STOX1: variants seen among roughly 807,000 people sequenced by gnomAD.
STOX1 encodes storkhead-box protein 1.
STOX1 carries 57 observed loss-of-function variants against 74.8 expected under a neutral mutation model. That is an observed-to-expected ratio of 0.76 (90% confidence interval 0.62 to 0.95). STOX1 has a LOEUF of 0.95. Ranked by LOEUF, STOX1 falls within the 40% of genes least tolerant of loss-of-function variation. The pLI is 0.00. For missense variants in STOX1, 1,010 were observed against 1,117.0 expected, an observed-to-expected ratio of 0.90 and a Z score of 1.37; for synonymous variants, 375 against 401.3, an observed-to-expected ratio of 0.93 and a Z score of 0.78.
chr10:68,887,743 A>C (rs1200050770), intron 3 of STOX1, among the ~76,000 whole-genome samples: 1 of 149,666 alleles, frequency 6.7e-6, no homozygotes, highest in East Asian at 2.0e-4. Flanking sequence ...ACAGCCATGC[A>C]CCACAACACC....
At chr10:68,883,001 C>G (rs1214860511) in intron 2 of STOX1, among the ~76,000 whole-genome samples, 1 of 152,042 alleles carries the variant, frequency 6.6e-6, no homozygotes, top group Non-Finnish European at 1.5e-5. Context: ...TTGAAGCAAT[C>G]CACCTGCCTC....
chr10:68,872,622 C>T lies in STOX1; in HGVS notation c.311-9336C>T, dbSNP rs148380861. 5.6e-4 allele frequency among the ~76,000 whole-genome samples: 85 copies of T among 152,320 alleles called. 2 individuals are homozygous for T. The highest frequency in any genetic ancestry group is 2.0e-3 in the African/African-American group (82 of 41,576). On this transcript the variant is annotated intron_variant, in intron 1 of 3. Transcript: ENST00000298596. ...TTGGCCTCCCAAAGTGTTGGGATTA[C>T]AGGCGTGAGCCACTGCACCAGGTCT...
chr10:68,837,336 A>G (rs1589215373), intron 1 of STOX1, among the ~76,000 whole-genome samples: 1 of 152,192 alleles, frequency 6.6e-6, no homozygotes, highest in Non-Finnish European at 1.5e-5. Context: ...TCCCGGTTGT[A>G]TGACCCACAT....
chr10:68,835,294 G>A (rs903164222), intron 1 of STOX1, among the ~76,000 whole-genome samples: 4 of 151,910 alleles, frequency 2.6e-5, no homozygotes, highest in African/African-American at 7.3e-5. Context: ...TGCCCGCCTC[G>A]GCCTCCCAAA....
At position 68,844,840 on chromosome 10, in the gene STOX1, G is replaced by A. The variant is rs532598106; in HGVS notation, c.310+16907G>A. Among the ~76,000 whole-genome samples the A allele has an allele frequency of 3.4e-4, 51 of 151,934 alleles. No individual in the cohort carries two copies. The East Asian group carries it at 8.0e-3, about 24-fold the overall frequency. On this transcript the variant is annotated intron_variant, in intron 1 of 3. Transcript: ENST00000298596. ...TGCAGTGGTGCGATCTCACCTCATTGTAACCTCCACCTCCCACTTTCAATT... is the reference window on the plus strand; with the variant it reads ...TGCAGTGGTGCGATCTCACCTCATTATAACCTCCACCTCCCACTTTCAATT...
At chr10:68,879,764 T>C (rs1840765114) in intron 1 of STOX1, among the ~76,000 whole-genome samples, 1 of 152,152 alleles carries the variant, frequency 6.6e-6, no homozygotes, top group Admixed American at 6.5e-5. Context: ...TGGAAGTGTC[T>C]GGAGACATTT....
At chr10:68,841,952 G>T (rs1266152363) in intron 1 of STOX1, among the ~76,000 whole-genome samples, 1 of 152,312 alleles carries the variant, frequency 6.6e-6, no homozygotes, top group East Asian at 1.9e-4. Context: ...GAGCCCCATT[G>T]TGGAGTGGAC....
At chr10:68,843,298 C>T (rs903719309) in intron 1 of STOX1, among the ~76,000 whole-genome samples, 2 of 152,152 alleles carry the variant, frequency 1.3e-5, no homozygotes, top group African/African-American at 4.8e-5. Flanking sequence ...TCCCAAAGTG[C>T]TGGGATTATA....
chr10:68,872,928 T>C (rs567489707), intron 1 of STOX1, among the ~76,000 whole-genome samples: 59 of 141,402 alleles, frequency 4.2e-4, no homozygotes, highest in East Asian at 3.3e-3. Flanking sequence ...TTTTTTTTTT[T>C]CCCCTTAACG....
chr10:68,854,351 G>T (rs904499090), intron 1 of STOX1, among the ~76,000 whole-genome samples: 9 of 151,830 alleles, frequency 5.9e-5, no homozygotes, highest in African/African-American at 1.9e-4. Context: ...GAGTCTATTG[G>T]TGCAATCACG....
chr10:68,881,824 AT>A (rs1840818939), intron 1 of STOX1, 133 bp from the exon 2 acceptor site: 2 of 997,070 alleles, frequency 2.0e-6, no homozygotes, highest in African/African-American at 3.2e-5. Context: ...ATGTTAACAG[AT>A]TCTGAGTAAA....
At chr10:68,863,428 GGAAA>G (rs1350743782) in intron 1 of STOX1, among the ~76,000 whole-genome samples, 1 of 150,736 alleles carries the variant, frequency 6.6e-6, no homozygotes, top group African/African-American at 2.5e-5. Context: ...ATACCCAAAA[GGAAA>G]AAAAAAACAG....
rs772799924 is a variant in STOX1 at position 68,884,828 on chromosome 10, C to T, written c.1032C>T (p.Val344=). The T allele has an allele frequency of 6.2e-7, 1 of 1,614,096 alleles. No homozygotes were observed. Among genetic ancestry groups the T allele is most frequent in the South Asian group, 1.1e-5 (1 of 91,070 alleles). ...SAQFPPEEWP[V]RDEDDLDNIP... is the part of the protein sequence containing the mutation. ...AGTTCCCACCTGAAGAATGGCCCGT[C>T]CGAGATGAAGATGACTTGGACAATA... Residue 344 remains valine, a synonymous_variant, in exon 3 of 4, where the codon GTC becomes GTT. Coordinates refer to ENST00000298596, the MANE Select transcript of STOX1 (RefSeq NM_152709.5).
chr10:68,888,034 T>A (rs184778285), intron 3 of STOX1, among the ~76,000 whole-genome samples: 1 of 152,268 alleles, frequency 6.6e-6, no homozygotes, highest in East Asian at 1.9e-4. Context: ...TTGAAAAATA[T>A]TTTTTAAAAC....
Position 68,886,180 on chromosome 10 carries a change from A to G in STOX1, c.2384A>G (p.Lys795Arg). Residue 795 changes from lysine to arginine, a missense_variant, in exon 3 of 4, where the codon AAA becomes AGA. Transcript: ENST00000298596. ...GAGAGGGTTGAGTCTCAGGTGCTTA[A>G]AAGAAATGAATGCTACAAACCCACT... Reference protein sequence around the residue: ...TMERVESQVLKRNECYKPTGL... With the variant: ...TMERVESQVLRRNECYKPTGL... The G allele has an allele frequency of 1.2e-6, 2 of 1,614,114 alleles. No homozygotes were observed. The highest frequency in any genetic ancestry group is 8.5e-7 in the Non-Finnish European group (1 of 1,180,024).
intron 1 of STOX1, among the ~76,000 whole-genome samples, chr10:68,867,869 C>T (rs1385109675): frequency 4.6e-5 from 7 of 152,264 alleles, no homozygotes; most frequent in Non-Finnish European, 1.0e-4. Flanking sequence ...TTCTCTACCG[C>T]ACTAAAAAGC....
intron 1 of STOX1, among the ~76,000 whole-genome samples, chr10:68,842,770 A>T (rs1267767429): frequency 1.3e-5 from 2 of 151,510 alleles, no homozygotes; most frequent in Non-Finnish European, 1.5e-5. Context: ...TGAACTCCTG[A>T]CCTCGTGATT....
intron 1 of STOX1, among the ~76,000 whole-genome samples, chr10:68,844,508 A>G (rs1278994420): frequency 6.6e-6 from 1 of 152,000 alleles, no homozygotes; most frequent in African/African-American, 2.4e-5. Flanking sequence ...CATGTTGGCC[A>G]GGTTGGTCTT....
At chr10:68,848,633 A>G (rs1418846636) in intron 1 of STOX1, among the ~76,000 whole-genome samples, 1 of 152,180 alleles carries the variant, frequency 6.6e-6, no homozygotes, top group African/African-American at 2.4e-5. Flanking sequence ...GGCCCAGCAC[A>G]CAGTGAGCTA....
Sources: gnomAD v4.1 joint callset for allele counts (sites outside exome capture counted in the v4.1 genomes callset) on GRCh38, gnomAD v4.1.1 for gene constraint, MANE v1.5 for transcripts, NCBI Gene and HGNC (gene_info 2026-07-23, HGNC 2026-07-21) for gene names.